The following PGCKA1 variants were observed in gnomAD, a reference collection of about 807,000 sequenced individuals.
PGCKA1 encodes PDCD10 and GCKIII kinases associated 1.
At chr4:37,561,818 A>T in the PGCKA1 span, among the ~76,000 whole-genome samples, 69,302 of 152,056 alleles carry the variant, frequency 0.46, 16,606 homozygotes, top group South Asian at 0.54. Context: ...AACTTGTTTT[A>T]TGTGTGTTTC....
the PGCKA1 span, among the ~76,000 whole-genome samples, chr4:37,457,685 T>C: frequency 2.0e-5 from 3 of 152,244 alleles, no homozygotes; most frequent in Non-Finnish European, 2.9e-5. Context: ...TTTGGTCAGA[T>C]TGTCAACAAC....
At chr4:37,471,485 T>C in the PGCKA1 span, among the ~76,000 whole-genome samples, 1 of 152,206 alleles carries the variant, frequency 6.6e-6, no homozygotes, top group South Asian at 2.1e-4. Flanking sequence ...TATAATTTCA[T>C]ATATAAACGT....
the PGCKA1 span, among the ~76,000 whole-genome samples, chr4:37,516,251 G>C: frequency 6.6e-6 from 1 of 152,190 alleles, no homozygotes; most frequent in East Asian, 1.9e-4. Flanking sequence ...GGTATCACCT[G>C]AGAGCTTGTA....
chr4:37,564,955 T>TACACACACACACGTACAC, the PGCKA1 span, among the ~76,000 whole-genome samples: 1 of 151,470 alleles, frequency 6.6e-6, no homozygotes, highest in Non-Finnish European at 1.5e-5. Context: ...TTCCACCCCG[T>TACACACACACACGTACAC]ACACACACAC....
chr4:37,466,553 G>T, the PGCKA1 span, among the ~76,000 whole-genome samples: 1 of 152,198 alleles, frequency 6.6e-6, no homozygotes, highest in African/African-American at 2.4e-5. Context: ...AGGCAAGACT[G>T]GGAGAGAAGA....
the PGCKA1 span, among the ~76,000 whole-genome samples, chr4:37,467,077 G>A: frequency 6.6e-6 from 1 of 152,156 alleles, no homozygotes; most frequent in Non-Finnish European, 1.5e-5. Context: ...CAGCCTGGGT[G>A]ACACAGTGAG....
the PGCKA1 span, among the ~76,000 whole-genome samples, chr4:37,528,466 T>C: frequency 6.6e-6 from 1 of 152,210 alleles, no homozygotes; most frequent in Non-Finnish European, 1.5e-5. Flanking sequence ...TAAGACACTG[T>C]TGGGATTTTA....
chr4:37,541,928 C>T, the PGCKA1 span, among the ~76,000 whole-genome samples: 7 of 152,236 alleles, frequency 4.6e-5, no homozygotes, highest in East Asian at 1.9e-4. Context: ...AACCACATTG[C>T]CCAGTGGTAG....
chr4:37,499,714 G>T, the PGCKA1 span, among the ~76,000 whole-genome samples: 2 of 150,706 alleles, frequency 1.3e-5, no homozygotes, highest in African/African-American at 4.9e-5. Context: ...TCTAGCTACT[G>T]GTCTGTGTAT....
chr4:37,528,876 C>T, the PGCKA1 span, among the ~76,000 whole-genome samples: 2 of 152,136 alleles, frequency 1.3e-5, no homozygotes, highest in Non-Finnish European at 2.9e-5. Context: ...TCCTAGTGTA[C>T]ATTATGTAAA....
At chr4:37,586,922 A>G in the PGCKA1 span, among the ~76,000 whole-genome samples, 1 of 152,138 alleles carries the variant, frequency 6.6e-6, no homozygotes. Flanking sequence ...AAAAACAAAC[A>G]AAACAAAACA....
At chr4:37,482,385 C>A in the PGCKA1 span, among the ~76,000 whole-genome samples, 1 of 152,170 alleles carries the variant, frequency 6.6e-6, no homozygotes, top group African/African-American at 2.4e-5. Context: ...TTGTTGGGAA[C>A]TGGAGTAAAG....
At chr4:37,559,810 A>G in the PGCKA1 span, among the ~76,000 whole-genome samples, 2 of 152,046 alleles carry the variant, frequency 1.3e-5, no homozygotes, top group East Asian at 3.9e-4. Flanking sequence ...CCGAACTTGC[A>G]TTATAATCTT....
At chr4:37,553,573 A>G in the PGCKA1 span, among the ~76,000 whole-genome samples, 1 of 152,224 alleles carries the variant, frequency 6.6e-6, no homozygotes, top group Non-Finnish European at 1.5e-5. Context: ...ATGTACCATT[A>G]TCTTACGTAA....
At chr4:37,552,455 C>T in the PGCKA1 span, among the ~76,000 whole-genome samples, 8 of 152,298 alleles carry the variant, frequency 5.3e-5, no homozygotes, top group East Asian at 1.5e-3. Flanking sequence ...GCCTGTGGCT[C>T]ATCCTGCTAC....
the PGCKA1 span, among the ~76,000 whole-genome samples, chr4:37,553,617 C>T: frequency 3.9e-5 from 6 of 152,098 alleles, no homozygotes; most frequent in Non-Finnish European, 8.8e-5. Flanking sequence ...CCAATGTAAC[C>T]ATGATGTGCC....
chr4:37,557,518 C>T, the PGCKA1 span, among the ~76,000 whole-genome samples: 22 of 152,194 alleles, frequency 1.4e-4, no homozygotes, highest in African/African-American at 5.1e-4. Context: ...AGATAACCAT[C>T]GTTCGCTATA....
At chr4:37,553,329 GTTATT>G in the PGCKA1 span, among the ~76,000 whole-genome samples, 1 of 138,322 alleles carries the variant, frequency 7.2e-6, no homozygotes, top group Non-Finnish European at 1.6e-5. Flanking sequence ...CATGGTTATT[GTTATT>G]TTGACACCTG....
At chr4:37,572,109 C>T in the PGCKA1 span, among the ~76,000 whole-genome samples, 1 of 132,248 alleles carries the variant, frequency 7.6e-6, no homozygotes, top group Non-Finnish European at 1.6e-5. Context: ...GTCGCCCAGG[C>T]TGGAGTGCAG....
Sources: allele counts gnomAD v4.1 joint callset (sites outside exome capture counted in the v4.1 genomes callset), GRCh38; gene constraint gnomAD v4.1.1; transcripts MANE v1.5; gene names NCBI Gene and HGNC (gene_info 2026-07-23, HGNC 2026-07-21).